The following ZNF536 variants were observed in gnomAD, a reference collection of about 807,000 sequenced individuals.
ZNF536 encodes zinc finger protein 536.
In ZNF536, 13 loss-of-function variants were observed where a neutral mutation model predicts 84.5. The ratio of observed to expected loss-of-function variants is 0.15; its 90% CI spans 0.10 to 0.24. The LOEUF (loss-of-function observed/expected upper bound fraction) is 0.24, where lower values mean the gene tolerates loss of function less well. Among genes scored for constraint, ZNF536 ranks in the 10% least tolerant of loss-of-function variants. The pLI is 1.00. For missense variants in ZNF536, 1,536 were observed against 1,747.5 expected (o/e 0.88, Z 2.16); for synonymous variants, 811 against 742.5 (o/e 1.09, Z -1.50).
chr19:30,324,634 C>T (rs1441877501), intron 2 of ZNF536, among the ~76,000 whole-genome samples: 1 of 152,198 alleles, frequency 6.6e-6, no homozygotes, highest in Non-Finnish European at 1.5e-5. Context: ...TCAAGTAATC[C>T]TCTTACCTTG....
At chr19:30,228,038 G>A (rs1459506517), upstream of ZNF536, among the ~76,000 whole-genome samples, 2 of 152,108 alleles carry the variant, frequency 1.3e-5, no homozygotes, top group African/African-American at 4.8e-5. This position sits in a 1 kb window ranked among gnomAD's most constrained non-coding sequence, Gnocchi z 4.5. Flanking sequence ...GGTGGGGTGT[G>A]CGTGCGTGCG....
intron 2 of ZNF536, among the ~76,000 whole-genome samples, chr19:30,480,412 G>GT (rs925216483): frequency 4.6e-5 from 7 of 152,098 alleles, no homozygotes; most frequent in Non-Finnish European, 7.3e-5. Context: ...TTTAAAAAGG[G>GT]TTTTTTACCA....
rs1289157486 is a variant in ZNF536, at chr19:30,557,259, G to T, written c.*95G>T. Reference sequence around the variant, plus strand: ...GCTTGTTAATCGTGTAAAGTCAAGAGAAGAATGTATACACATATGTGTGTT... The same window carrying T: ...GCTTGTTAATCGTGTAAAGTCAAGATAAGAATGTATACACATATGTGTGTT... On this transcript the variant is annotated 3_prime_UTR_variant, in exon 5 of 5. Transcript: ENST00000355537. The T allele has an allele frequency of 1.4e-6, 2 of 1,410,128 alleles. No individual in the cohort carries two copies. Among genetic ancestry groups the T allele is most frequent in the Admixed American group, 1.7e-5 (1 of 58,758 alleles). The allele number at this position is 1,410,128 out of a possible 1,614,324, so 87.4% of individuals were successfully genotyped here. A position where few individuals can be genotyped will look rare whatever the true frequency, so the allele number is the denominator to read the frequency against.
At chr19:30,282,132 T>G (rs750336392) in intron 1 of ZNF536, among the ~76,000 whole-genome samples, 48 of 152,160 alleles carry the variant, frequency 3.2e-4, no homozygotes, top group Non-Finnish European at 6.8e-4. Context: ...TGTAACAACA[T>G]CAGACACCAG....
Position 30,445,143 on chromosome 19 carries a change from G to A in ZNF536, c.1581G>A (p.Met527Ile), listed in dbSNP as rs2148213191. The A allele has an allele frequency of 1.2e-6, 2 of 1,614,092 alleles. No individual in the cohort carries two copies. The highest frequency in any genetic ancestry group is 1.7e-6 in the Non-Finnish European group (2 of 1,180,050). Reference protein sequence around the residue: ...PVNSYQAWQLMARGMAMEHGF... With the variant: ...PVNSYQAWQLIARGMAMEHGF... ...ACAGCTACCAGGCTTGGCAGCTCAT[G>A]GCCAGGGGCATGGCCATGGAACATG... Residue 527 changes from methionine to isoleucine, a missense_variant, in exon 2 of 5, where the codon ATG (methionine) becomes ATA (isoleucine). Around this residue, in one of 8 missense-constraint regions of ZNF536, gnomAD observed 366 missense variants for 364.4 expected, o/e 1.00. Transcript: ENST00000355537. This position sits in a 1 kb window ranked among gnomAD's most constrained non-coding sequence, Gnocchi z 4.5.
intron 1 of ZNF536, among the ~76,000 whole-genome samples, chr19:30,231,282 A>G (rs1180169285): frequency 1.3e-5 from 2 of 152,230 alleles, no homozygotes; most frequent in African/African-American, 4.8e-5. Context: ...GCCTCAGCCT[A>G]TCTCCAAGTG....
At chr19:30,620,347 AACACACACAC>A (rs5827722) in intron 1 of ZNF536, among the ~76,000 whole-genome samples, 1 of 150,424 alleles carries the variant, frequency 6.6e-6, no homozygotes, top group Non-Finnish European at 1.5e-5. Flanking sequence ...ACATTTTTAA[AACACACACAC>A]ACACACACAC....
intron 2 of ZNF536, among the ~76,000 whole-genome samples, chr19:30,488,899 A>G (rs2054398306): frequency 6.6e-6 from 1 of 152,222 alleles, no homozygotes; most frequent in African/African-American, 2.4e-5. Context: ...ATGTTGAATT[A>G]TTATTGTTCC....
chr19:30,642,104 C>T (rs1286192537), intron 1 of ZNF536, among the ~76,000 whole-genome samples: 2 of 152,088 alleles, frequency 1.3e-5, no homozygotes, highest in East Asian at 1.9e-4. Flanking sequence ...TTTTGGGAAC[C>T]GAATCCTATT....
Position 30,443,922 on chromosome 19 carries a change from C to A in ZNF536, c.360C>A (p.Ile120=), listed in dbSNP as rs1176795290. 6.2e-7 allele frequency: 1 copy of A among 1,613,668 alleles called. No homozygotes were observed. Among genetic ancestry groups the A allele is most frequent in the Non-Finnish European group, 8.5e-7 (1 of 1,180,016 alleles). ...NLGIMSQMSD[I]EDDARKNRKY... The stretch of plus-strand genomic sequence containing the variant: ...GCATCATGTCCCAGATGAGCGACAT[C>A]GAGGACGACGCCCGCAAGAACCGCA... The change falls in exon 2 of 5, where the codon ATC becomes ATA. Residue 120 remains isoleucine (I), a synonymous_variant. Coordinates refer to ENST00000355537, the MANE Select transcript of ZNF536 (RefSeq NM_014717.3).
intron 1 of ZNF536, among the ~76,000 whole-genome samples, chr19:30,677,105 A>G (rs1409022380): frequency 6.6e-6 from 1 of 152,214 alleles, no homozygotes; most frequent in Non-Finnish European, 1.5e-5. Flanking sequence ...TGGCTTCTTA[A>G]CAATTATGAG....
In ZNF536 at chr19:30,383,771, CTTTTCTTTCT is replaced by C. The variant is rs1466185083; in HGVS notation, c.-3+11218_-3+11227del. Among the ~76,000 whole-genome samples the C allele has an allele frequency of 2.0e-3, 178 of 89,436 alleles. 4 individuals are homozygous for C. The highest frequency in any genetic ancestry group is 0.015 in the South Asian group (38 of 2,620). The allele number at this position is 89,436 out of a possible 152,430, so 58.7% of individuals were successfully genotyped here. On this transcript the variant is annotated intron_variant, in intron 1 of 4. Transcript: ENST00000355537. ...TTTCTTTCTTTCTCTTTCTTTCTTT[CTTTTCTTTCT>C]TTCTTTCTTTTCTTTCTTTTCTCTT...
intron 2 of ZNF536, among the ~76,000 whole-genome samples, chr19:30,504,439 C>A (rs1430041884): frequency 1.4e-5 from 2 of 144,968 alleles, no homozygotes; most frequent in Admixed American, 6.8e-5. Flanking sequence ...TTCCTTCCTT[C>A]CTTCCTCCCT....
chr19:30,292,319 T>G (rs938660775), intron 2 of ZNF536, among the ~76,000 whole-genome samples: 3 of 139,086 alleles, frequency 2.2e-5, no homozygotes, highest in African/African-American at 2.9e-5. Context: ...TCTAGGGAAC[T>G]GTTTTTTTTT....
At chr19:30,586,465 G>A (rs1475223744) in intron 1 of ZNF536, among the ~76,000 whole-genome samples, 2 of 152,246 alleles carry the variant, frequency 1.3e-5, no homozygotes, top group Non-Finnish European at 2.9e-5. Context: ...AACTGAAGGA[G>A]TAACTGACAT....
At position 30,394,691 on chromosome 19, in the gene ZNF536, G is replaced by A. The variant is rs540782643; in HGVS notation, c.-3+22135G>A. Among the ~76,000 whole-genome samples, 54 of 152,246 alleles carry A rather than the reference G, an allele frequency of 3.5e-4. 1 individual carries two copies. In the South Asian group the frequency reaches 5.2e-3, roughly 15 times the overall value. ...AGTACAGTCTGGAAATTACACATGA[G>A]CAGTTGCTTTTCTACTCCCAGTTCA... On this transcript the variant is annotated intron_variant, in intron 1 of 4. Transcript: ENST00000355537.
At chr19:30,692,527 G>A (rs2051453417) in intron 1 of ZNF536, among the ~76,000 whole-genome samples, 1 of 152,226 alleles carries the variant, frequency 6.6e-6, no homozygotes, top group Admixed American at 6.5e-5. Context: ...GTTGTTGTGG[G>A]AAGTTTAAGG....
chr19:30,297,440 G>A (rs892943403), intron 2 of ZNF536, among the ~76,000 whole-genome samples: 22 of 152,108 alleles, frequency 1.4e-4, no homozygotes, highest in African/African-American at 5.1e-4. Context: ...TTTTATTACT[G>A]AACTTTAAAA....
At chr19:30,396,670 G>A (rs887732530) in intron 1 of ZNF536, among the ~76,000 whole-genome samples, 12 of 143,998 alleles carry the variant, frequency 8.3e-5, no homozygotes, top group Middle Eastern at 4.2e-3. Context: ...GCATGATCTC[G>A]GCTCACTGCA....
Sources: gnomAD v4.1 joint callset for allele counts (sites outside exome capture counted in the v4.1 genomes callset) on GRCh38, gnomAD v4.1.1 for gene constraint, gnomAD v4.1.1 regional missense constraint, Gnocchi (gnomAD v3.1) non-coding constraint, MANE v1.5 for transcripts, NCBI Gene and HGNC (gene_info 2026-07-23, HGNC 2026-07-21) for gene names.